The following ABL2 variants were observed in gnomAD, a reference collection of about 807,000 sequenced individuals.
ABL2 encodes ABL proto-oncogene 2, non-receptor tyrosine kinase.
A neutral mutation model predicts 107.7 loss-of-function variants in ABL2; 49 were observed. The ratio of observed to expected loss-of-function variants is 0.45; its 90% confidence interval spans 0.36 to 0.58. The LOEUF (loss-of-function observed/expected upper bound fraction) is 0.58, where lower values mean the gene tolerates loss of function less well. Among genes scored for constraint, ABL2 ranks in the 20% least tolerant of loss-of-function variants. ABL2 has a pLI of 0.00. For synonymous variants in ABL2, 549 were observed against 548.6 expected (o/e 1.00, Z -0.01); for missense variants, 1,245 against 1,457.0 (o/e 0.85, Z 2.37).
At chr1:179,202,012 G>A (rs561656369) in intron 1 of ABL2, 2 of 707,072 alleles carry the variant, frequency 2.8e-6, no homozygotes, top group East Asian at 1.1e-4. Context: ...GGGAGCCAAG[G>A]GATGGACATC....
rs574272816 is a variant in ABL2, at chr1:179,103,053, T to C, written c.*4665A>G. 11 of 221,956 alleles carry C rather than the reference T, an allele frequency of 5.0e-5. No homozygotes were observed. In the South Asian group the frequency reaches 5.5e-4, roughly 11 times the overall value. The allele number at this position is 221,956 out of a possible 1,614,324, so 13.7% of individuals were successfully genotyped here. On this transcript the variant is annotated 3_prime_UTR_variant, in exon 12 of 12. Coordinates refer to ENST00000502732, the MANE Select transcript of ABL2 (RefSeq NM_007314.4). ...CATTTAGGATAAATGGCCAAGCATA[T>C]AGTGGATAAATGGAGAAGAGTAAGA... is the stretch of plus-strand genomic sequence containing the variant.
At chr1:179,127,128 T>G (rs1279862222) in intron 3 of ABL2, among the ~76,000 whole-genome samples, 1 of 151,928 alleles carries the variant, frequency 6.6e-6, no homozygotes, top group Non-Finnish European at 1.5e-5. Context: ...AGATACAAAG[T>G]GACTTCTAAA....
chr1:179,166,922 A>T (rs1190813598), intron 1 of ABL2, among the ~76,000 whole-genome samples: 1 of 152,202 alleles, frequency 6.6e-6, no homozygotes, highest in Non-Finnish European at 1.5e-5. Flanking sequence ...GTAAGAATGC[A>T]GAGAAAAGGG....
At chr1:179,213,191 TA>T (rs1390012683) in intron 1 of ABL2, among the ~76,000 whole-genome samples, 2 of 152,106 alleles carry the variant, frequency 1.3e-5, no homozygotes, top group African/African-American at 2.4e-5. Flanking sequence ...GTAATCAATA[TA>T]AAAAAATTAA....
At chr1:179,128,976 C>T (rs962487888) in intron 3 of ABL2, among the ~76,000 whole-genome samples, 4 of 151,898 alleles carry the variant, frequency 2.6e-5, no homozygotes, top group East Asian at 1.9e-4. Flanking sequence ...TGAGCCACTG[C>T]GCTTGGCTGG....
chr1:179,172,204 A>G (rs1343648231), intron 1 of ABL2, among the ~76,000 whole-genome samples: 1 of 152,258 alleles, frequency 6.6e-6, no homozygotes, highest in Non-Finnish European at 1.5e-5. Context: ...GAAATTCCTT[A>G]TTAGGTCTTG....
intron 1 of ABL2, among the ~76,000 whole-genome samples, chr1:179,164,485 C>T (rs1659266177): frequency 6.6e-6 from 1 of 152,156 alleles, no homozygotes; most frequent in Non-Finnish European, 1.5e-5. Context: ...ATCTTTGCAT[C>T]TTCAGAAAAA....
intron 1 of ABL2, chr1:179,196,355 G>A (rs1015007225): frequency 6.6e-6 from 1 of 151,996 alleles, no homozygotes; most frequent in East Asian, 1.9e-4. Flanking sequence ...TTATGCCCAA[G>A]TTTTAAAACA....
At chr1:179,208,058 T>C (rs1026324406) in intron 1 of ABL2, among the ~76,000 whole-genome samples, 6 of 152,158 alleles carry the variant, frequency 3.9e-5, no homozygotes, top group African/African-American at 1.4e-4. Context: ...ACAAAATATC[T>C]GAGAAAGGCA....
chr1:179,135,403 A>G (rs1402688529), intron 1 of ABL2, among the ~76,000 whole-genome samples: 2 of 148,760 alleles, frequency 1.3e-5, no homozygotes, highest in African/African-American at 5.0e-5. Flanking sequence ...GGATGTGAGA[A>G]GCGTCTCTGC....
intron 1 of ABL2, among the ~76,000 whole-genome samples, chr1:179,174,371 G>C (rs975198293): frequency 2.0e-5 from 3 of 151,926 alleles, no homozygotes; most frequent in Non-Finnish European, 4.4e-5. Context: ...CACTTTGGGA[G>C]GCCAAGGCAG....
At chr1:179,180,370 CCT>C (rs1660302972) in intron 1 of ABL2, among the ~76,000 whole-genome samples, 1 of 151,956 alleles carries the variant, frequency 6.6e-6, no homozygotes, top group Non-Finnish European at 1.5e-5. Flanking sequence ...TTGTATATAC[CCT>C]GACTCAGGCT....
chr1:179,133,556 T>C (rs1228427147), intron 1 of ABL2, among the ~76,000 whole-genome samples, 182 bp from the exon 2 acceptor site: 1 of 152,208 alleles, frequency 6.6e-6, no homozygotes, highest in Middle Eastern at 3.2e-3. Context: ...TACACCATGC[T>C]GCTTCCCATC....
Position 179,101,998 on chromosome 1 carries a change from T to G in ABL2, c.*5720A>C, listed in dbSNP as rs1653136486. The G allele has an allele frequency of 8.9e-5, 1 of 11,190 alleles. No homozygotes were observed. The highest frequency in any genetic ancestry group is 1.6e-4 in the Non-Finnish European group (1 of 6,114). The allele number at this position is 11,190 out of a possible 1,614,324, so 0.7% of individuals were successfully genotyped here. On this transcript the variant is annotated 3_prime_UTR_variant, in exon 12 of 12. Transcript: ENST00000502732. ...AAGCAAGCTTTGCATTAGAATTTCT[T>G]TTTTTTTTTTTTTTTTTTTTTTTTT...
At chr1:179,135,221 T>C (rs1394175591) in intron 1 of ABL2, among the ~76,000 whole-genome samples, 1 of 148,962 alleles carries the variant, frequency 6.7e-6, no homozygotes, top group East Asian at 2.1e-4. Flanking sequence ...CCCCTCTGCC[T>C]GGCTGCCCAG....
chr1:179,181,194 T>C (rs1660356815), intron 1 of ABL2, among the ~76,000 whole-genome samples: 2 of 152,182 alleles, frequency 1.3e-5, no homozygotes, highest in Non-Finnish European at 2.9e-5. Flanking sequence ...AAGCCTCTAA[T>C]ATATGTGTGT....
At chr1:179,132,381 T>C (rs1182637799) in intron 2 of ABL2, among the ~76,000 whole-genome samples, 1 of 152,170 alleles carries the variant, frequency 6.6e-6, no homozygotes, top group East Asian at 1.9e-4. Flanking sequence ...ACAGCCCAGA[T>C]CGATTATACA....
Position 179,120,222 on chromosome 1 carries a change from T to C in ABL2, c.1013A>G (p.Glu338Gly), listed in dbSNP as rs192943572. ...TTGTACCAGATTAGGATGCTTGATT[T>C]CCTTCATTACTGCAGCTTCTTTCAG... ...EFLKEAAVMKEIKHPNLVQLL... is the reference protein window; with the variant it reads ...EFLKEAAVMKGIKHPNLVQLL... The change falls in exon 6 of 12, where the codon GAA (glutamate) becomes GGA (glycine). Residue 338 changes from glutamate (E) to glycine (G), a missense_variant. Physicochemically the swap from Glu to Gly is moderately conservative, Grantham distance 98. Around this residue, in one of 3 missense-constraint regions of ABL2, gnomAD observed 320 missense variants for 547.0 expected, o/e 0.59. Transcript: ENST00000502732. 7 of 1,607,924 alleles carry C rather than the reference T, an allele frequency of 4.4e-6. No individual in the cohort carries two copies. Among genetic ancestry groups the C allele is most frequent in the African/African-American group, 4.0e-5 (3 of 74,680 alleles).
chr1:179,166,430 A>T (rs1190910522), intron 1 of ABL2, among the ~76,000 whole-genome samples: 1 of 151,972 alleles, frequency 6.6e-6, no homozygotes, highest in Non-Finnish European at 1.5e-5. Flanking sequence ...AACTCATTTA[A>T]CAAGTGGAAA....
Sources: allele counts gnomAD v4.1 joint callset (sites outside exome capture counted in the v4.1 genomes callset), GRCh38; gene constraint gnomAD v4.1.1; regional missense constraint gnomAD v4.1.1; transcripts MANE v1.5; gene names NCBI Gene and HGNC (gene_info 2026-07-23, HGNC 2026-07-21).